The following RBM47 variants were observed in gnomAD, a reference collection of about 807,000 sequenced individuals.
The protein encoded by RBM47 is RNA binding motif protein 47.
RBM47 carries 21 observed loss-of-function variants against 47.1 expected under a neutral mutation model. The ratio of observed to expected loss-of-function variants is 0.45; its 90% CI spans 0.32 to 0.64. The LOEUF is 0.64. RBM47 is among the 30% of genes least tolerant of loss of function. The pLI is 0.05. For synonymous variants in RBM47, 375 were observed against 361.7 expected (o/e 1.04, Z -0.42); for missense variants, 708 against 870.9 (o/e 0.81, Z 2.35).
intron 1 of RBM47, among the ~76,000 whole-genome samples, chr4:40,572,318 GGTTGC>G (rs1207110890): frequency 1.3e-5 from 2 of 151,562 alleles, no homozygotes; most frequent in Non-Finnish European, 3.0e-5. Context: ...AGGAGGCGGA[GGTTGC>G]GCCACTGCAC....
chr4:40,571,742 G>C (rs56389328), intron 1 of RBM47, among the ~76,000 whole-genome samples: 63 of 151,834 alleles, frequency 4.1e-4, no homozygotes, highest in African/African-American at 1.5e-3. Flanking sequence ...TTATCTGGCT[G>C]GACACGGTGG....
chr4:40,493,925 T>G (rs891712164), intron 2 of RBM47, among the ~76,000 whole-genome samples: 4 of 151,924 alleles, frequency 2.6e-5, no homozygotes, highest in Admixed American at 1.3e-4. Context: ...GGCAACAGAG[T>G]GAGACCCTGT....
chr4:40,470,814 A>G (rs1718744324), intron 2 of RBM47, among the ~76,000 whole-genome samples: 1 of 152,032 alleles, frequency 6.6e-6, no homozygotes, highest in East Asian at 1.9e-4. Context: ...GTGATCTTGA[A>G]TCGCTGCAGC....
chr4:40,521,906 G>T (rs4861202), intron 2 of RBM47, among the ~76,000 whole-genome samples: 41,598 of 151,910 alleles, frequency 0.27, 6,041 homozygotes, highest in African/African-American at 0.36. Context: ...AAAAATTTGG[G>T]GGCAACCTGC....
At chr4:40,488,848 T>C (rs776153796) in intron 2 of RBM47, among the ~76,000 whole-genome samples, 1 of 152,236 alleles carries the variant, frequency 6.6e-6, no homozygotes. Flanking sequence ...GCTTCACATA[T>C]GCTATTTCAT....
intron 1 of RBM47, among the ~76,000 whole-genome samples, chr4:40,579,567 G>A (rs1321896035): frequency 2.6e-5 from 4 of 151,996 alleles, no homozygotes; most frequent in African/African-American, 9.7e-5. Flanking sequence ...TGACTTAAGT[G>A]GGAACTAGAT....
intron 2 of RBM47, among the ~76,000 whole-genome samples, chr4:40,478,948 G>A (rs1720018043): frequency 6.6e-6 from 1 of 152,180 alleles, no homozygotes; most frequent in South Asian, 2.1e-4. Flanking sequence ...ATTAACACAT[G>A]ACTAAAGCAT....
At chr4:40,531,665 A>T (rs927660780) in intron 2 of RBM47, among the ~76,000 whole-genome samples, 1 of 152,198 alleles carries the variant, frequency 6.6e-6, no homozygotes, top group African/African-American at 2.4e-5. Context: ...AGGAAAATAA[A>T]ACTTGTTTAT....
intron 2 of RBM47, among the ~76,000 whole-genome samples, chr4:40,517,938 T>A (rs1725775072): frequency 6.6e-6 from 1 of 152,088 alleles, no homozygotes; most frequent in African/African-American, 2.4e-5. Context: ...GACTCGAGCA[T>A]CCAAAATCTG....
chr4:40,583,331 T>C (rs925631940), intron 1 of RBM47, among the ~76,000 whole-genome samples: 1 of 142,892 alleles, frequency 7.0e-6, no homozygotes, highest in African/African-American at 2.7e-5. Flanking sequence ...CAAGAATCAC[T>C]TGAACCTGAG....
intron 1 of RBM47, among the ~76,000 whole-genome samples, chr4:40,611,184 G>C (rs1045627373): frequency 9.9e-5 from 15 of 152,232 alleles, no homozygotes; most frequent in Middle Eastern, 3.4e-3. Flanking sequence ...AGTCTCTCTA[G>C]GTAAATGTAG....
At chr4:40,573,106 T>C (rs1731893314) in intron 1 of RBM47, among the ~76,000 whole-genome samples, 1 of 144,690 alleles carries the variant, frequency 6.9e-6, no homozygotes, top group Non-Finnish European at 1.5e-5. Flanking sequence ...TGAGCCGACA[T>C]TGCGCCATTA....
chr4:40,485,757 T>C (rs879901438), intron 2 of RBM47, among the ~76,000 whole-genome samples: 1 of 151,894 alleles, frequency 6.6e-6, no homozygotes, highest in Admixed American at 6.6e-5. Flanking sequence ...TATGAGAATA[T>C]ACTGTTATAA....
chr4:40,436,499 T>C lies in RBM47; in HGVS notation c.1272A>G (p.Glu424=). The C allele has an allele frequency of 1.9e-6, 3 of 1,614,100 alleles. No homozygotes were observed. The highest frequency in any genetic ancestry group is 8.5e-7 in the Non-Finnish European group (1 of 1,180,000). ...TAGGGATTTCCAAATTCGGCACCAG[T>C]TCATATCCTTTTTCTTGCTGCTTTC... The part of the protein sequence containing the change: ...GKGKQQEKGY[E]LVPNLEIPTV... The change falls in exon 5 of 7, where the codon GAA becomes GAG. Residue 424 remains glutamate (E), a synonymous_variant. Transcript: ENST00000295971.
intron 2 of RBM47, among the ~76,000 whole-genome samples, chr4:40,516,578 CT>C (rs1725607205): frequency 6.6e-6 from 1 of 152,082 alleles, no homozygotes; most frequent in African/African-American, 2.4e-5. Flanking sequence ...TCTATTTCTC[CT>C]TCTACTATTT....
At chr4:40,596,127 G>A (rs1027341897) in intron 1 of RBM47, among the ~76,000 whole-genome samples, 1 of 152,222 alleles carries the variant, frequency 6.6e-6, no homozygotes, top group African/African-American at 2.4e-5. Context: ...ACTTTCAGGA[G>A]CAGGGACGTG....
intron 1 of RBM47, among the ~76,000 whole-genome samples, chr4:40,621,912 T>C (rs1012973934): frequency 6.6e-6 from 1 of 152,184 alleles, no homozygotes; most frequent in African/African-American, 2.4e-5. Flanking sequence ...CAAGGACTTG[T>C]GGTGGCAGAG....
chr4:40,514,012 C>A (rs1447882226), intron 2 of RBM47, among the ~76,000 whole-genome samples: 2 of 152,114 alleles, frequency 1.3e-5, no homozygotes, highest in African/African-American at 4.8e-5. Context: ...AGCCACCGCA[C>A]CCAGCCTAAC....
chr4:40,534,512 T>C (rs998247339), intron 2 of RBM47, among the ~76,000 whole-genome samples: 3 of 151,028 alleles, frequency 2.0e-5, no homozygotes, highest in African/African-American at 7.3e-5. Flanking sequence ...GATTCCATGA[T>C]TTTCAATGCA....
Sources: gnomAD v4.1 joint callset for allele counts (sites outside exome capture counted in the v4.1 genomes callset) on GRCh38, gnomAD v4.1.1 for gene constraint, MANE v1.5 for transcripts, NCBI Gene and HGNC (gene_info 2026-07-23, HGNC 2026-07-21) for gene names.